Variants in MAPK6 observed in about 807,000 individuals in gnomAD.
The protein encoded by MAPK6 is mitogen-activated protein kinase 6, also known as ERK-3.
A neutral mutation model predicts 59.3 loss-of-function variants in MAPK6; 19 were observed. That is an observed-to-expected ratio of 0.32 (90% CI 0.22 to 0.47). The LOEUF (loss-of-function observed/expected upper bound fraction) is 0.47. Ranked by LOEUF, MAPK6 falls within the 20% of genes least tolerant of loss-of-function variation. The pLI is 1.00. For synonymous variants in MAPK6, 316 were observed against 290.3 expected, an observed-to-expected ratio of 1.09 and a Z score of -0.90; for missense variants, 724 against 847.9, an observed-to-expected ratio of 0.85 and a Z score of 1.81.
intron 3 of MAPK6, among the ~76,000 whole-genome samples, chr15:52,054,805 A>C (rs528432035): frequency 6.6e-6 from 1 of 151,470 alleles, no homozygotes; most frequent in South Asian, 2.1e-4. Flanking sequence ...TTTTTCCGAG[A>C]CTGAGTCTTC....
chr15:52,059,044 C>T lies in MAPK6; in HGVS notation c.865+247C>T, dbSNP rs1326786919. Among the ~76,000 whole-genome samples, 1 of 152,164 alleles carries T rather than the reference C, an allele frequency of 6.6e-6. No individual in the cohort carries two copies. The highest frequency in any genetic ancestry group is 1.5e-5 in the Non-Finnish European group (1 of 68,034). The stretch of plus-strand genomic sequence containing the variant: ...AAGTAGCAAGTATTTTGAATATAGG[C>T]ACTGGGGACAAAATCATGATGGCAT... On this transcript the variant is annotated intron_variant, in intron 4 of 5. Transcript: ENST00000261845.
chr15:52,012,154 C>G (rs930342681), intron 3 of MAPK6, among the ~76,000 whole-genome samples: 2 of 152,332 alleles, frequency 1.3e-5, no homozygotes, highest in South Asian at 4.1e-4. Flanking sequence ...TCCAGAGCAA[C>G]CATTCTCTCC....
chr15:52,016,120 G>C (rs1216231765), upstream of MAPK6, among the ~76,000 whole-genome samples: 2 of 108,914 alleles, frequency 1.8e-5, no homozygotes, highest in Admixed American at 2.0e-4. Flanking sequence ...ACTAAAACTG[G>C]CCGGGCATGG....
At position 51,988,589 on chromosome 15, in the gene MAPK6, G is replaced by A. The variant is rs181601165; in HGVS notation, c.-770+5274G>A. Among the ~76,000 whole-genome samples the A allele has an allele frequency of 2.1e-3, 322 of 151,918 alleles. 4 individuals are homozygous for A. The highest frequency in any genetic ancestry group is 7.2e-3 in the African/African-American group (299 of 41,434). On this transcript the variant is annotated intron_variant, in intron 2 of 7. Transcript: ENST00000691380. ...TCTACTAAAAATACAAAAATTAGCC[G>A]GGTGTGGTGGCAAGCACCTGTAGTC...
chr15:51,976,949 AT>A (rs1375987170), intron 1 of MAPK6, among the ~76,000 whole-genome samples: 2 of 151,734 alleles, frequency 1.3e-5, no homozygotes, highest in African/African-American at 4.8e-5. Flanking sequence ...TCTCAAAAAA[AT>A]AAATTAATAA....
chr15:51,997,547 C>CT (rs1187296144), intron 2 of MAPK6, among the ~76,000 whole-genome samples: 1 of 151,908 alleles, frequency 6.6e-6, no homozygotes, highest in Non-Finnish European at 1.5e-5. Flanking sequence ...CATGAACCAC[C>CT]TTGCCCGGCC....
chr15:52,065,710 ATTAACTTAGTTT>A lies in MAPK6; in HGVS notation c.*715_*726del, dbSNP rs1277230567. On this transcript the variant is annotated 3_prime_UTR_variant, in exon 6 of 6. Coordinates refer to ENST00000261845, the MANE Select transcript of MAPK6 (RefSeq NM_002748.4). ...TATTTTCTGTATTTAATTATAAAAA[ATTAACTTAGTTT>A]TTAAAATTTATTTGCAAATATACTT... The A allele has an allele frequency of 6.7e-6, 1 of 149,700 alleles. No homozygotes were observed. Among genetic ancestry groups the A allele is most frequent in the Non-Finnish European group, 1.5e-5 (1 of 67,422 alleles). 9.3% of individuals were successfully genotyped at this position (149,700 alleles called of 1,614,324 possible). A position where few individuals can be genotyped will look rare whatever the true frequency, so the allele number is the denominator to read the frequency against.
At chr15:52,018,280 C>T (rs2030339088), upstream of MAPK6, among the ~76,000 whole-genome samples, 1 of 152,156 alleles carries the variant, frequency 6.6e-6, no homozygotes, top group South Asian at 2.1e-4. Context: ...CTGCCCGTCT[C>T]GGCCTCCCAA....
intron 1 of MAPK6, among the ~76,000 whole-genome samples, chr15:51,980,681 C>T (rs1304501709): frequency 6.6e-6 from 1 of 151,132 alleles, no homozygotes; most frequent in Non-Finnish European, 1.5e-5. Flanking sequence ...ACCTCCACCT[C>T]CTGGGTTCAA....
intron 1 of MAPK6, among the ~76,000 whole-genome samples, chr15:51,982,007 A>G (rs1317138598): frequency 6.6e-6 from 1 of 152,196 alleles, no homozygotes; most frequent in Non-Finnish European, 1.5e-5. Flanking sequence ...TGAGGTGGGG[A>G]AATATTGAAA....
chr15:52,036,663 C>G (rs529586352), intron 1 of MAPK6, among the ~76,000 whole-genome samples: 1 of 152,220 alleles, frequency 6.6e-6, no homozygotes, highest in Admixed American at 6.5e-5. Context: ...AAGCATGGCA[C>G]GGGCCTAGTG....
chr15:51,996,325 G>T (rs562914570), intron 2 of MAPK6, among the ~76,000 whole-genome samples: 2 of 152,158 alleles, frequency 1.3e-5, no homozygotes, highest in Non-Finnish European at 2.9e-5. Flanking sequence ...TGCCCAGATG[G>T]CAGCTTTTGC....
intron 2 of MAPK6, among the ~76,000 whole-genome samples, chr15:51,984,695 A>C (rs1172248463): frequency 1.3e-5 from 2 of 151,830 alleles, no homozygotes; most frequent in Non-Finnish European, 2.9e-5. Context: ...CCGGGGGGGA[A>C]GAAAAGCCCT....
intron 5 of MAPK6, 51 bp from the exon 6 acceptor site, chr15:52,063,851 G>A (rs1391467809): frequency 1.3e-6 from 2 of 1,487,310 alleles, no homozygotes; most frequent in East Asian, 4.6e-5. Context: ...CGGTGAATTT[G>A]AAAATGAAAT....
chr15:51,998,778 C>T (rs2057233802), intron 2 of MAPK6, among the ~76,000 whole-genome samples: 1 of 141,460 alleles, frequency 7.1e-6, no homozygotes, highest in Non-Finnish European at 1.5e-5. Flanking sequence ...GCAAGCTCCG[C>T]CTCCTGGGTT....
At chr15:52,032,751 C>T (rs1288836288) in intron 1 of MAPK6, among the ~76,000 whole-genome samples, 2 of 152,128 alleles carry the variant, frequency 1.3e-5, no homozygotes, top group Admixed American at 1.3e-4. Flanking sequence ...GTGGCACAAT[C>T]TCGGCTCACT....
chr15:52,026,248 G>C (rs1260085672), intron 1 of MAPK6, among the ~76,000 whole-genome samples: 1 of 152,130 alleles, frequency 6.6e-6, no homozygotes, highest in Non-Finnish European at 1.5e-5. Context: ...GTTAATTCCA[G>C]GTACCGAAAC....
rs1216644267 is a variant in MAPK6 at position 52,067,060 on chromosome 15, A to C, written c.*2060A>C. 6.6e-6 allele frequency: 1 copy of C among 152,138 alleles called. No individual in the cohort carries two copies. Among genetic ancestry groups the C allele is most frequent in the Non-Finnish European group, 1.5e-5 (1 of 67,998 alleles). 9.4% of individuals were successfully genotyped at this position (152,138 alleles called of 1,614,324 possible). A position where few individuals can be genotyped will look rare whatever the true frequency, so the allele number is the denominator to read the frequency against. On this transcript the variant is annotated 3_prime_UTR_variant, in exon 6 of 6. Coordinates refer to ENST00000261845, the MANE Select transcript of MAPK6 (RefSeq NM_002748.4). ...TCCTCCATTATAACCAATTTTTTGC[A>C]AACGTATGTTGATTTTGAGAATAAT...
At chr15:52,026,961 A>C (rs892169450) in intron 1 of MAPK6, among the ~76,000 whole-genome samples, 3 of 151,794 alleles carry the variant, frequency 2.0e-5, no homozygotes, top group Non-Finnish European at 2.9e-5. Flanking sequence ...CAGGCAGGAG[A>C]ATCGCTTGAA....
Sources: gnomAD v4.1 joint callset for allele counts (sites outside exome capture counted in the v4.1 genomes callset) on GRCh38, gnomAD v4.1.1 for gene constraint, MANE v1.5 for transcripts, NCBI Gene and HGNC (gene_info 2026-07-23, HGNC 2026-07-21) for gene names.